MACROD2: variants seen among roughly 807,000 people sequenced by gnomAD.
MACROD2 encodes the protein ADP-ribose glycohydrolase MACROD2.
Under a neutral mutation model 70.4 loss-of-function variants are expected in MACROD2, and 36 were observed. The ratio of observed to expected loss-of-function variants is 0.51; its 90% CI spans 0.39 to 0.68. MACROD2 has a LOEUF of 0.68. Among genes scored for constraint, MACROD2 ranks in the 30% least tolerant of loss-of-function variants. The probability of loss-of-function intolerance (pLI) is 0.00; values close to 1 mark genes in which losing one functional copy is unlikely to be tolerated. For missense variants in MACROD2, 496 were observed against 538.4 expected (o/e 0.92, Z 0.78); for synonymous variants, 172 against 178.8 (o/e 0.96, Z 0.30).
At chr20:14,506,301 T>C (rs1276933520) in intron 4 of MACROD2, among the ~76,000 whole-genome samples, 3 of 152,166 alleles carry the variant, frequency 2.0e-5, no homozygotes, top group African/African-American at 7.2e-5. Context: ...CACATTTGCA[T>C]AGGAGCCACA....
intron 3 of MACROD2, among the ~76,000 whole-genome samples, chr20:14,299,371 A>C (rs771355179): frequency 6.6e-6 from 1 of 152,084 alleles, no homozygotes; most frequent in Non-Finnish European, 1.5e-5. Flanking sequence ...ACCTCAATGT[A>C]GTATAAACGT....
chr20:14,505,085 C>T (rs1192715158), intron 4 of MACROD2, among the ~76,000 whole-genome samples: 1 of 152,136 alleles, frequency 6.6e-6, no homozygotes, highest in Non-Finnish European at 1.5e-5. Context: ...TCTAAGGATA[C>T]TTTCAGTTTA....
At chr20:14,875,165 G>A (rs1303318356) in intron 5 of MACROD2, among the ~76,000 whole-genome samples, 1 of 151,890 alleles carries the variant, frequency 6.6e-6, no homozygotes, top group Non-Finnish European at 1.5e-5. Flanking sequence ...GGCGGATCAC[G>A]AGGTCAGGAG....
intron 8 of MACROD2, 118 bp downstream of exon 8, chr20:15,499,965 C>T: frequency 4.6e-6 from 4 of 870,780 alleles, no homozygotes; most frequent in Non-Finnish European, 7.2e-6. Context: ...TGAGCCAAAC[C>T]TAGCTGACCA....
intron 7 of MACROD2, among the ~76,000 whole-genome samples, chr20:15,464,829 T>C (rs1221257225): frequency 2.0e-5 from 3 of 152,192 alleles, no homozygotes. Flanking sequence ...TATTTTTTGC[T>C]TGGGCTTTTT....
In MACROD2 at chr20:14,255,682, A is replaced by ATAAT. The variant is rs1232505698; in HGVS notation, c.271+169955_271+169958dup. ...CACATGTACCCTAATACTTAAAAGTATAATAAATAAATAAATAAATAAATA... is the reference window on the plus strand; with the variant it reads ...CACATGTACCCTAATACTTAAAAGTATAATTAATAAATAAATAAATAAATAAATA... On this transcript the variant is annotated intron_variant, in intron 3 of 17. Transcript: ENST00000684519. Among the ~76,000 whole-genome samples the ATAAT allele has an allele frequency of 3.5e-3, 410 of 115,928 alleles. 2 individuals are homozygous for ATAAT. Among genetic ancestry groups the ATAAT allele is most frequent in the African/African-American group, 0.014 (347 of 25,256 alleles). 76.1% of individuals were successfully genotyped at this position (115,928 alleles called of 152,430 possible).
At chr20:14,596,008 T>G (rs1039491196) in intron 4 of MACROD2, among the ~76,000 whole-genome samples, 2 of 152,120 alleles carry the variant, frequency 1.3e-5, no homozygotes, top group Non-Finnish European at 2.9e-5. Flanking sequence ...CTTGAATGGG[T>G]TTAATATTAG....
At chr20:14,220,216 G>T (rs559821887) in intron 3 of MACROD2, among the ~76,000 whole-genome samples, 12 of 152,092 alleles carry the variant, frequency 7.9e-5, no homozygotes, top group South Asian at 2.1e-4. Context: ...GCTGCTGTTG[G>T]GGGGTGGAGG....
chr20:15,793,197 C>T (rs2063641644), intron 8 of MACROD2, among the ~76,000 whole-genome samples: 1 of 152,050 alleles, frequency 6.6e-6, no homozygotes, highest in Admixed American at 6.6e-5. Context: ...CTCCGATTGC[C>T]TTTGTGTAGA....
chr20:15,013,218 A>T (rs1303531012), intron 5 of MACROD2, among the ~76,000 whole-genome samples: 5 of 152,114 alleles, frequency 3.3e-5, no homozygotes, highest in Non-Finnish European at 7.4e-5. Flanking sequence ...GACTTAGCTC[A>T]ACGAAGCCCC....
intron 5 of MACROD2, among the ~76,000 whole-genome samples, chr20:14,911,141 G>A (rs1571518): frequency 0.89 from 135,893 of 152,142 alleles, 60,775 homozygotes; most frequent in East Asian, 1. Flanking sequence ...TCTGCAACAA[G>A]TCACTTGAAG....
At chr20:16,013,268 T>C (rs964198333) in intron 15 of MACROD2, among the ~76,000 whole-genome samples, 3 of 152,158 alleles carry the variant, frequency 2.0e-5, no homozygotes, top group African/African-American at 7.2e-5. Flanking sequence ...CCATTGGTTA[T>C]TGCAAGAGTC....
chr20:15,056,581 G>A (rs983526700), intron 5 of MACROD2, among the ~76,000 whole-genome samples: 6 of 151,882 alleles, frequency 4.0e-5, no homozygotes, highest in Non-Finnish European at 8.8e-5. Flanking sequence ...AAACTACTTG[G>A]TTCAACAGTA....
intron 5 of MACROD2, among the ~76,000 whole-genome samples, chr20:14,791,828 A>C (rs2072454279): frequency 6.6e-6 from 1 of 151,806 alleles, no homozygotes; most frequent in South Asian, 2.1e-4. Context: ...TAATATATAC[A>C]TGCATTTATA....
chr20:14,088,614 CCTT>C (rs888451289), intron 3 of MACROD2, among the ~76,000 whole-genome samples: 1 of 152,072 alleles, frequency 6.6e-6, no homozygotes, highest in African/African-American at 2.4e-5. Context: ...CAAGTTTTCT[CCTT>C]CTTGTTATTA....
intron 5 of MACROD2, among the ~76,000 whole-genome samples, chr20:15,129,258 T>C (rs1456399610): frequency 6.6e-6 from 1 of 152,094 alleles, no homozygotes; most frequent in African/African-American, 2.4e-5. Flanking sequence ...GTATTATACT[T>C]TTCATCCTTA....
At chr20:14,258,108 G>C (rs1043921910) in intron 3 of MACROD2, among the ~76,000 whole-genome samples, 1 of 152,046 alleles carries the variant, frequency 6.6e-6, no homozygotes, top group African/African-American at 2.4e-5. Flanking sequence ...ATGTATATAT[G>C]CCACATTTTC....
At chr20:14,261,442 A>G in intron 3 of MACROD2, among the ~76,000 whole-genome samples, 1 of 152,310 alleles carries the variant, frequency 6.6e-6, no homozygotes, top group South Asian at 2.1e-4. Context: ...TATACTTTAT[A>G]TCATCTCTTT....
intron 2 of MACROD2, among the ~76,000 whole-genome samples, chr20:14,017,156 T>C (rs1224186319): frequency 6.6e-6 from 1 of 152,164 alleles, no homozygotes; most frequent in Admixed American, 6.5e-5. Context: ...TCATTGCAAG[T>C]GTACAGAAAT....
Sources: gnomAD v4.1 joint callset for allele counts (sites outside exome capture counted in the v4.1 genomes callset) on GRCh38, gnomAD v4.1.1 for gene constraint, MANE v1.5 for transcripts, NCBI Gene and HGNC (gene_info 2026-07-23, HGNC 2026-07-21) for gene names.